The following LRRC69 variants were observed in gnomAD, a reference collection of about 807,000 sequenced individuals.
LRRC69 encodes the protein leucine-rich repeat-containing protein 69.
A neutral mutation model predicts 37.8 loss-of-function variants in LRRC69; 42 were observed. That is an observed-to-expected ratio of 1.11 (90% CI 0.87 to 1.44). The LOEUF (loss-of-function observed/expected upper bound fraction) is 1.44. Among genes scored for constraint, LRRC69 ranks in the 40% most tolerant of loss-of-function variants. LRRC69 has a pLI of 0.00. For synonymous variants in LRRC69, 141 were observed against 143.1 expected, an observed-to-expected ratio of 0.99 and a Z score of 0.11; for missense variants, 357 against 401.9, an observed-to-expected ratio of 0.89 and a Z score of 0.96.
At chr8:91,115,592 A>G (rs1813497170) in intron 1 of LRRC69, among the ~76,000 whole-genome samples, 1 of 152,024 alleles carries the variant, frequency 6.6e-6, no homozygotes, top group Non-Finnish European at 1.5e-5. Context: ...TATGTACTAA[A>G]GTATGCAGGA....
intron 7 of LRRC69, among the ~76,000 whole-genome samples, chr8:91,202,843 G>A (rs114054388): frequency 0.013 from 1,951 of 152,304 alleles, 49 homozygotes; most frequent in African/African-American, 0.045. Context: ...GAATGAATTA[G>A]AGGGCAAGGA....
rs76885704 is a variant in LRRC69, at chr8:91,136,905, C to G, written c.651+1166C>G. On this transcript the variant is annotated intron_variant, in intron 5 of 7. Transcript: ENST00000448384. Reference sequence around the variant, plus strand: ...GTCAGAGTTTCTTTCCTTTTTAAGGCTGAATAATATTCAGTTGTATGTATA... The same window carrying G: ...GTCAGAGTTTCTTTCCTTTTTAAGGGTGAATAATATTCAGTTGTATGTATA... Among the ~76,000 whole-genome samples the G allele has an allele frequency of 9.2e-3, 1,393 of 152,090 alleles. 30 individuals are homozygous for G. Among genetic ancestry groups the G allele is most frequent in the African/African-American group, 0.032 (1,340 of 41,542 alleles).
At chr8:91,216,289 G>A (rs4596614) in intron 7 of LRRC69, among the ~76,000 whole-genome samples, 72,353 of 151,946 alleles carry the variant, frequency 0.48, 18,659 homozygotes, top group South Asian at 0.66. Context: ...TGCAATAAGA[G>A]CCAACCTAAA....
intron 1 of LRRC69, chr8:91,118,271 G>A (rs1429105657): frequency 4.5e-6 from 2 of 449,264 alleles, no homozygotes; most frequent in Non-Finnish European, 4.4e-6. Flanking sequence ...TTGGGAGGCT[G>A]AGGCAGGCGG....
chr8:91,203,524 C>G (rs1025233027), intron 7 of LRRC69, among the ~76,000 whole-genome samples: 7 of 151,646 alleles, frequency 4.6e-5, no homozygotes, highest in African/African-American at 1.7e-4. Flanking sequence ...TCTCAAGTAG[C>G]TGGGATTACA....
chr8:91,156,224 A>G lies in LRRC69; in HGVS notation c.651+20485A>G, dbSNP rs931149205. ...CATTTATTTATTTTTATTTGTTTCT[A>G]TTTGTTACAACAAATTCAAACTTTT... On this transcript the variant is annotated intron_variant, in intron 5 of 7. Coordinates refer to ENST00000448384, the Ensembl canonical transcript of LRRC69. Among the ~76,000 whole-genome samples, 4 of 150,828 alleles carry G rather than the reference A, an allele frequency of 2.7e-5. No individual in the cohort carries two copies. The South Asian group carries it at 6.2e-4, about 23-fold the overall frequency.
At chr8:91,201,422 G>A (rs1175033624) in intron 7 of LRRC69, among the ~76,000 whole-genome samples, 1 of 152,114 alleles carries the variant, frequency 6.6e-6, no homozygotes, top group Non-Finnish European at 1.5e-5. Context: ...TAGATAATAT[G>A]TACATGAGTG....
chr8:91,158,776 G>A, intron 5 of LRRC69: 2 of 792,924 alleles, frequency 2.5e-6, no homozygotes, highest in South Asian at 1.4e-5. Flanking sequence ...GGTGATAAGT[G>A]GAAAAAAGAG....
chr8:91,177,670 C>A (rs969931669), intron 5 of LRRC69, among the ~76,000 whole-genome samples: 12 of 152,180 alleles, frequency 7.9e-5, no homozygotes, highest in Non-Finnish European at 1.6e-4. Flanking sequence ...TTTTCAAAAG[C>A]AGAAAGTGAA....
chr8:91,176,132 A>ATTTTTTTTTTTTT (rs1331458493), intron 5 of LRRC69, among the ~76,000 whole-genome samples: 5 of 15,194 alleles, frequency 3.3e-4, no homozygotes, highest in African/African-American at 9.6e-4. Flanking sequence ...ATATATATAT[A>ATTTTTTTTTTTTT]TATTTTTTTT....
intron 5 of LRRC69, among the ~76,000 whole-genome samples, chr8:91,162,503 A>G (rs143706754): frequency 7.0e-4 from 106 of 151,528 alleles, no homozygotes; most frequent in African/African-American, 2.4e-3. Context: ...TCATTATATA[A>G]TGACCTTCTT....
chr8:91,129,166 C>G (rs542660456), intron 3 of LRRC69, among the ~76,000 whole-genome samples: 17 of 152,096 alleles, frequency 1.1e-4, no homozygotes, highest in Non-Finnish European at 2.9e-5. Context: ...CAGCGCTGCA[C>G]AGGCACAGGA....
intron 1 of LRRC69, among the ~76,000 whole-genome samples, chr8:91,122,527 C>G (rs1189450223): frequency 6.6e-6 from 1 of 152,052 alleles, no homozygotes; most frequent in Non-Finnish European, 1.5e-5. Flanking sequence ...CTGGACACTT[C>G]TATTGCTCTA....
At chr8:91,160,956 T>C (rs1435716611) in intron 5 of LRRC69, among the ~76,000 whole-genome samples, 1 of 151,370 alleles carries the variant, frequency 6.6e-6, no homozygotes, top group Non-Finnish European at 1.5e-5. Flanking sequence ...TTACTTTGTT[T>C]AGTCATATTC....
chr8:91,166,510 A>AAAAAAAC (rs1563611592), intron 5 of LRRC69, among the ~76,000 whole-genome samples: 6 of 127,512 alleles, frequency 4.7e-5, no homozygotes, highest in Non-Finnish European at 1.1e-4. Context: ...AAAAAAAAAA[A>AAAAAAAC]AAAAAACCTA....
chr8:91,184,168 A>G (rs1809368733), intron 5 of LRRC69, among the ~76,000 whole-genome samples: 1 of 152,086 alleles, frequency 6.6e-6, no homozygotes, highest in South Asian at 2.1e-4. Context: ...AGTCCCAGCT[A>G]CTTGGGAGGC....
intron 7 of LRRC69, among the ~76,000 whole-genome samples, chr8:91,214,093 G>T (rs1809991467): frequency 6.6e-6 from 1 of 152,122 alleles, no homozygotes; most frequent in African/African-American, 2.4e-5. Flanking sequence ...GAAGAGAAGA[G>T]AAGCTGAAGA....
chr8:91,167,366 T>C (rs954498633), intron 5 of LRRC69, among the ~76,000 whole-genome samples: 8 of 151,568 alleles, frequency 5.3e-5, no homozygotes, highest in African/African-American at 1.2e-4. Context: ...GTGAGACTTA[T>C]TCACTATCAC....
chr8:91,164,307 A>G (rs1808993572), intron 5 of LRRC69, among the ~76,000 whole-genome samples: 2 of 151,662 alleles, frequency 1.3e-5, no homozygotes, highest in Admixed American at 6.6e-5. Flanking sequence ...TGTCAAGAAG[A>G]CAACTACCCA....
Sources: gnomAD v4.1 joint callset for allele counts (sites outside exome capture counted in the v4.1 genomes callset) on GRCh38, gnomAD v4.1.1 for gene constraint, MANE v1.5 for transcripts, NCBI Gene and HGNC (gene_info 2026-07-23, HGNC 2026-07-21) for gene names.